PCDHGA3: variants seen among roughly 807,000 people sequenced by gnomAD.
PCDHGA3 encodes the protein protocadherin gamma subfamily A, 3, also known as protocadherin gamma-A3.
A neutral mutation model predicts 58.5 loss-of-function variants in PCDHGA3; 40 were observed. That is an observed-to-expected ratio of 0.68 (90% CI 0.53 to 0.89). PCDHGA3 has a LOEUF of 0.89. PCDHGA3 is among the 40% of genes least tolerant of loss of function. The pLI is 0.00. For missense variants in PCDHGA3, 1,223 were observed against 1,195.9 expected, an observed-to-expected ratio of 1.02 and a Z score of -0.33; for synonymous variants, 530 against 525.7, an observed-to-expected ratio of 1.01 and a Z score of -0.11.
chr5:141,369,897 C>G (rs988616109), intron 1 of PCDHGA3, among the ~76,000 whole-genome samples: 1 of 152,098 alleles, frequency 6.6e-6, no homozygotes, highest in Non-Finnish European at 1.5e-5. Context: ...ATTATTATGA[C>G]CATTTTATGA....
chr5:141,496,377 G>A (rs1413938730), intron 2 of PCDHGA3, among the ~76,000 whole-genome samples: 1 of 152,114 alleles, frequency 6.6e-6, no homozygotes, highest in Non-Finnish European at 1.5e-5. Flanking sequence ...CAGGAGCTTG[G>A]GCCACCTTAC....
At chr5:141,414,274 G>A (rs762803658) in intron 1 of PCDHGA3, 23 of 1,613,368 alleles carry the variant, frequency 1.4e-5, no homozygotes, top group Non-Finnish European at 1.9e-5. Flanking sequence ...TTCACCTCTG[G>A]GAACAGTCGT....
chr5:141,403,995 C>T, intron 1 of PCDHGA3: 1 of 1,613,762 alleles, frequency 6.2e-7, no homozygotes, highest in Non-Finnish European at 8.5e-7. Context: ...CCTGAAGTGA[C>T]CATTACATCT....
chr5:141,397,974 C>A (rs1248429844), intron 1 of PCDHGA3: 3 of 1,174,340 alleles, frequency 2.6e-6, no homozygotes, highest in African/African-American at 1.6e-5. Flanking sequence ...TCCCCAGCGC[C>A]GGCCTTTACA....
chr5:141,421,817 T>A (rs375019903), intron 1 of PCDHGA3: 34 of 1,613,662 alleles, frequency 2.1e-5, no homozygotes, highest in Non-Finnish European at 2.8e-5. Context: ...GAGCTAGTAC[T>A]GGAGGGAAGC....
Position 141,409,176 on chromosome 5 carries a change from G to A in PCDHGA3, c.2424+62719G>A. On this transcript the variant is annotated intron_variant, in intron 1 of 3. Transcript: ENST00000253812. ...ATGGAAGTGGAAGCGAAGGACGGAG[G>A]TGGTCTCTCTACCCAGTGTAAAGTA... The A allele has an allele frequency of 6.2e-7, 1 of 1,614,026 alleles. No individual in the cohort carries two copies. The highest frequency in any genetic ancestry group is 8.5e-7 in the Non-Finnish European group (1 of 1,179,892).
Position 141,352,298 on chromosome 5 carries a change from C to T in PCDHGA3, c.2424+5841C>T, listed in dbSNP as rs1414135907. 6.2e-6 allele frequency: 10 copies of T among 1,613,954 alleles called. No individual in the cohort carries two copies. The South Asian group carries it at 1.1e-4, about 18-fold the overall frequency. ...CAGCGACCGCCCTGAGCCCTCTGAC[C>T]CCCAGACGGAACTGCAGTTTTACCT... On this transcript the variant is annotated intron_variant, in intron 1 of 3. Transcript: ENST00000253812.
At chr5:141,352,851 G>A (rs115443544) in intron 1 of PCDHGA3, among the ~76,000 whole-genome samples, 5,057 of 152,212 alleles carry the variant, frequency 0.033, 139 homozygotes, top group Admixed American at 0.067. Flanking sequence ...AGTTGGGTGT[G>A]GTGGCACGCG....
At chr5:141,415,709 C>A in intron 1 of PCDHGA3, 1 of 1,092,276 alleles carries the variant, frequency 9.2e-7, no homozygotes, top group Non-Finnish European at 1.3e-6. Context: ...AATGCTAAAA[C>A]ACTGATGAGT....
At chr5:141,348,983 T>G (rs928297806) in intron 1 of PCDHGA3, among the ~76,000 whole-genome samples, 3 of 152,188 alleles carry the variant, frequency 2.0e-5, no homozygotes, top group Non-Finnish European at 2.9e-5. Context: ...GTCTAAGAAC[T>G]CTGAATACCT....
intron 1 of PCDHGA3, chr5:141,409,291 A>G: frequency 6.2e-7 from 1 of 1,614,000 alleles, no homozygotes; most frequent in Non-Finnish European, 8.5e-7. Context: ...CACCTCCAGG[A>G]ATGGTTGTTG....
intron 1 of PCDHGA3, chr5:141,351,970 C>T (rs1390827495): frequency 3.1e-6 from 5 of 1,612,584 alleles, no homozygotes; most frequent in Admixed American, 1.7e-5. Context: ...GCTCCGCCCT[C>T]TTCGATATGG....
Position 141,477,403 on chromosome 5 carries a change from C to T in PCDHGA3, c.2425-17404C>T, listed in dbSNP as rs1329599078. 2 of 1,614,164 alleles carry T rather than the reference C, an allele frequency of 1.2e-6. No individual in the cohort carries two copies. Among genetic ancestry groups the T allele is most frequent in the Non-Finnish European group, 1.7e-6 (2 of 1,180,042 alleles). ...CAGAATACAACCTCAGCATCACCGC[C>T]CGAGACGCCGGAACCCCTTCCCTCT... is the stretch of plus-strand genomic sequence containing the variant. On this transcript the variant is annotated intron_variant, in intron 1 of 3. Transcript: ENST00000253812. The surrounding 1 kb of genome is among the most constrained non-coding windows in gnomAD (Gnocchi z 4.9).
At chr5:141,428,034 T>A (rs768728101) in intron 1 of PCDHGA3, 8 of 1,607,778 alleles carry the variant, frequency 5.0e-6, no homozygotes, top group Middle Eastern at 1.7e-4. Context: ...AGAGTCCGGC[T>A]ACCTGGTGAC....
chr5:141,344,973 T>A lies in PCDHGA3; in HGVS notation c.940T>A (p.Phe314Ile). The change falls in exon 1 of 4, where the codon TTC (phenylalanine) becomes ATC (isoleucine). Residue 314 changes from phenylalanine (F) to isoleucine (I), a missense_variant. Phe to Ile is a conservative substitution (Grantham distance 21). Transcript: ENST00000253812. Reference sequence around the variant, plus strand: ...AAGTCTAGATTATGAGGATGCCATGTTCTATGAAATTAAAATTGAAGCACA... The same window carrying A: ...AAGTCTAGATTATGAGGATGCCATGATCTATGAAATTAAAATTGAAGCACA... ...LKSLDYEDAM[F>I]YEIKIEAQDG... 1 of 1,613,876 alleles carries A rather than the reference T, an allele frequency of 6.2e-7. No individual in the cohort carries two copies. Among genetic ancestry groups the A allele is most frequent in the East Asian group, 2.2e-5 (1 of 44,882 alleles).
intron 1 of PCDHGA3, chr5:141,383,132 A>G: frequency 1.2e-6 from 2 of 1,614,110 alleles, no homozygotes; most frequent in Non-Finnish European, 1.7e-6. Context: ...TTCGCCCTGA[A>G]CCAGCGCAGC....
At chr5:141,484,877 G>T in intron 1 of PCDHGA3, 1 of 338,660 alleles carries the variant, frequency 3.0e-6, no homozygotes, top group Non-Finnish European at 5.4e-6. Context: ...GTGGAGGATA[G>T]GGTGGGCTTT....
At chr5:141,409,840 G>A (rs1361942011) in intron 1 of PCDHGA3, 3 of 1,611,558 alleles carry the variant, frequency 1.9e-6, no homozygotes, top group African/African-American at 1.3e-5. Flanking sequence ...GCGCCAACGT[G>A]AGCCTGCGCG....
rs769439885 is a variant in PCDHGA3 at position 141,346,010 on chromosome 5, G to T, written c.1977G>T (p.Thr659=). 4 of 1,613,190 alleles carry T rather than the reference G, an allele frequency of 2.5e-6. No individual in the cohort carries two copies. The South Asian group carries it at 3.3e-5, about 13-fold the overall frequency. ...AGCCCCCTCTCTCCGCCACTGTCAC[G>T]CTCACCGTGGCCGTGGCCGACAGGA... ...HGQPPLSATV[T]LTVAVADRIP... The change falls in exon 1 of 4, where the codon ACG becomes ACT. Residue 659 remains threonine (T), a synonymous_variant. Coordinates refer to ENST00000253812, the MANE Select transcript of PCDHGA3 (RefSeq NM_018916.4).
Sources: gnomAD v4.1 joint callset for allele counts (sites outside exome capture counted in the v4.1 genomes callset) on GRCh38, gnomAD v4.1.1 for gene constraint, Gnocchi (gnomAD v3.1) non-coding constraint, MANE v1.5 for transcripts, NCBI Gene and HGNC (gene_info 2026-07-23, HGNC 2026-07-21) for gene names.